CADPS2: variants seen among roughly 807,000 people sequenced by gnomAD.
CADPS2 encodes calcium-dependent secretion activator 2.
In CADPS2, 93 loss-of-function variants were observed where a neutral mutation model predicts 172.5. The observed-to-expected ratio is 0.54, with a 90% confidence interval of 0.46 to 0.64. The LOEUF (loss-of-function observed/expected upper bound fraction) is 0.64, where lower values mean the gene tolerates loss of function less well. Among genes scored for constraint, CADPS2 ranks in the 30% least tolerant of loss-of-function variants. CADPS2 has a pLI of 0.00. For synonymous variants in CADPS2, 546 were observed against 555.2 expected, an observed-to-expected ratio of 0.98 and a Z score of 0.23; for missense variants, 1,420 against 1,565.9, an observed-to-expected ratio of 0.91 and a Z score of 1.57.
At chr7:122,800,493 T>C (rs938213992) in intron 1 of CADPS2, among the ~76,000 whole-genome samples, 2 of 152,184 alleles carry the variant, frequency 1.3e-5, no homozygotes, top group Non-Finnish European at 1.5e-5. Flanking sequence ...CCTGGGATCT[T>C]CTTAAAATTG....
chr7:122,454,751 G>A (rs1360318334), intron 14 of CADPS2, among the ~76,000 whole-genome samples: 1 of 152,134 alleles, frequency 6.6e-6, no homozygotes, highest in Non-Finnish European at 1.5e-5. Context: ...AATAGACTCA[G>A]AGTATTCGAG....
chr7:122,444,536 T>C (rs1378725533), intron 15 of CADPS2, among the ~76,000 whole-genome samples: 1 of 152,218 alleles, frequency 6.6e-6, no homozygotes, highest in Non-Finnish European at 1.5e-5. Flanking sequence ...TATCTAACTA[T>C]GGTTTCAAAT....
chr7:122,732,474 G>GA (rs1004515619), intron 2 of CADPS2, among the ~76,000 whole-genome samples: 1 of 150,386 alleles, frequency 6.6e-6, no homozygotes, highest in African/African-American at 2.4e-5. Flanking sequence ...CAGATTTTGA[G>GA]AAAATGTATA....
intron 3 of CADPS2, among the ~76,000 whole-genome samples, chr7:122,644,839 C>A (rs1248172875): frequency 6.6e-6 from 1 of 152,060 alleles, no homozygotes; most frequent in Non-Finnish European, 1.5e-5. Context: ...GAATCAGGTA[C>A]CATTCTGTCT....
At chr7:122,332,145 C>T (rs1229002853) in intron 28 of CADPS2, 1 of 152,098 alleles carries the variant, frequency 6.6e-6, no homozygotes, top group East Asian at 1.9e-4. Flanking sequence ...ATCTGTAAAT[C>T]CAATAACGTA....
intron 1 of CADPS2, among the ~76,000 whole-genome samples, chr7:122,832,960 A>G (rs1807054492): frequency 6.6e-6 from 1 of 152,176 alleles, no homozygotes; most frequent in African/African-American, 2.4e-5. Flanking sequence ...ATGTGAATAC[A>G]TTTCTCGTCT....
At chr7:122,668,009 TTAGAAGCA>T (rs2081360518) in intron 2 of CADPS2, among the ~76,000 whole-genome samples, 1 of 152,138 alleles carries the variant, frequency 6.6e-6, no homozygotes, top group African/African-American at 2.4e-5. Flanking sequence ...GCTAAAATGG[TTAGAAGCA>T]TACGTTAGGT....
At chr7:122,628,633 C>A (rs1223591564) in intron 4 of CADPS2, among the ~76,000 whole-genome samples, 1 of 150,760 alleles carries the variant, frequency 6.6e-6, no homozygotes, top group Non-Finnish European at 1.5e-5. Flanking sequence ...AATTGGGTTC[C>A]ATTCTCTCTA....
At chr7:122,524,593 T>C (rs1487284995) in intron 8 of CADPS2, among the ~76,000 whole-genome samples, 1 of 152,180 alleles carries the variant, frequency 6.6e-6, no homozygotes, top group Non-Finnish European at 1.5e-5. Flanking sequence ...TAAGAGCCTG[T>C]AGCAGACATG....
intron 2 of CADPS2, among the ~76,000 whole-genome samples, chr7:122,728,364 T>C (rs151221016): frequency 6.6e-6 from 1 of 151,360 alleles, no homozygotes; most frequent in East Asian, 1.9e-4. Context: ...ATATGAAGAG[T>C]TGAGGTATAA....
chr7:122,674,775 C>A (rs2082231148), intron 2 of CADPS2, among the ~76,000 whole-genome samples: 1 of 152,172 alleles, frequency 6.6e-6, no homozygotes, highest in Non-Finnish European at 1.5e-5. Flanking sequence ...AGGAAGGCTG[C>A]CAGCATGTGT....
At chr7:122,671,948 C>T (rs544033295) in intron 2 of CADPS2, among the ~76,000 whole-genome samples, 4 of 151,902 alleles carry the variant, frequency 2.6e-5, no homozygotes, top group South Asian at 2.1e-4. Flanking sequence ...TGCTCATATA[C>T]GAAAGGAGTA....
chr7:122,518,056 A>G (rs945319575), intron 8 of CADPS2, among the ~76,000 whole-genome samples: 9 of 151,974 alleles, frequency 5.9e-5, no homozygotes, highest in Admixed American at 4.6e-4. Flanking sequence ...AAATATACAA[A>G]AGTTACATTT....
intron 24 of CADPS2, among the ~76,000 whole-genome samples, chr7:122,385,307 G>A (rs2043493259): frequency 6.6e-6 from 1 of 150,744 alleles, no homozygotes; most frequent in Non-Finnish European, 1.5e-5. Flanking sequence ...TTTTTTTTCT[G>A]CTGAATTGCT....
At chr7:122,348,839 C>T (rs753384507) in intron 27 of CADPS2, among the ~76,000 whole-genome samples, 1 of 152,088 alleles carries the variant, frequency 6.6e-6, no homozygotes, top group Non-Finnish European at 1.5e-5. Flanking sequence ...GGGTAATTAT[C>T]TCTGATAAAT....
intron 1 of CADPS2, among the ~76,000 whole-genome samples, chr7:122,858,035 G>A (rs1815794879): frequency 6.6e-6 from 1 of 152,018 alleles, no homozygotes; most frequent in Non-Finnish European, 1.5e-5. Context: ...AGTGTGGAAG[G>A]GGACCCTAGC....
chr7:122,512,645 T>C (rs555036681), intron 9 of CADPS2, among the ~76,000 whole-genome samples: 3 of 152,144 alleles, frequency 2.0e-5, no homozygotes, highest in African/African-American at 7.2e-5. Context: ...GGCTTATTTG[T>C]ACTAAATGTG....
intron 1 of CADPS2, among the ~76,000 whole-genome samples, chr7:122,782,805 T>C (rs1026678716): frequency 2.6e-5 from 4 of 152,208 alleles, no homozygotes; most frequent in South Asian, 2.1e-4. Context: ...TTAGCTGATA[T>C]GTTGTTTGGT....
chr7:122,578,269 G>A (rs1447753222), intron 7 of CADPS2, among the ~76,000 whole-genome samples: 6 of 151,872 alleles, frequency 4.0e-5, no homozygotes, highest in Admixed American at 6.6e-5. Context: ...ATCCAGAGAC[G>A]AACACCAATT....
Sources: gnomAD v4.1 joint callset for allele counts (sites outside exome capture counted in the v4.1 genomes callset) on GRCh38, gnomAD v4.1.1 for gene constraint, MANE v1.5 for transcripts, NCBI Gene and HGNC (gene_info 2026-07-23, HGNC 2026-07-21) for gene names.